Variants in SEC24D observed in about 807,000 individuals in gnomAD.
The protein encoded by SEC24D is protein transport protein Sec24D.
A neutral mutation model predicts 116.9 loss-of-function variants in SEC24D; 69 were observed. The observed-to-expected ratio is 0.59, with a 90% CI of 0.49 to 0.72. The LOEUF (loss-of-function observed/expected upper bound fraction) is 0.72, where lower values mean the gene tolerates loss of function less well. Among genes scored for constraint, SEC24D ranks in the 30% least tolerant of loss-of-function variants. SEC24D has a pLI of 0.00. For missense variants in SEC24D, 1,131 were observed against 1,264.1 expected (o/e 0.89, Z 1.60); for synonymous variants, 405 against 442.8 (o/e 0.91, Z 1.07).
chr4:118,778,789 T>C (rs1728263625), intron 8 of SEC24D, among the ~76,000 whole-genome samples: 1 of 152,306 alleles, frequency 6.6e-6, no homozygotes, highest in Non-Finnish European at 1.5e-5. Flanking sequence ...GAGCAGTGGT[T>C]TGTAGTTCTC....
intron 19 of SEC24D, chr4:118,736,574 A>T (rs1725970657): frequency 3.0e-6 from 1 of 335,330 alleles, no homozygotes; most frequent in Non-Finnish European, 5.8e-6. Context: ...AGTGAACTGT[A>T]GGAAAGTACC....
At chr4:118,814,251 C>A (rs1238300263) in intron 6 of SEC24D, among the ~76,000 whole-genome samples, 1 of 152,236 alleles carries the variant, frequency 6.6e-6, no homozygotes, top group East Asian at 1.9e-4. Context: ...GGTTATGACA[C>A]ATGCCACACA....
intron 1 of SEC24D, among the ~76,000 whole-genome samples, chr4:118,835,710 G>C (rs1469279697): frequency 1.3e-5 from 2 of 152,222 alleles, no homozygotes; most frequent in Non-Finnish European, 2.9e-5. Flanking sequence ...GCAAAAGGTG[G>C]GGGCGGGTAA....
intron 11 of SEC24D, among the ~76,000 whole-genome samples, chr4:118,756,205 A>G (rs1560644576): frequency 6.6e-6 from 1 of 152,126 alleles, no homozygotes; most frequent in Non-Finnish European, 1.5e-5. Flanking sequence ...ACCCCATGAG[A>G]GAGTTCTGTA....
Position 118,739,271 on chromosome 4 carries a change from G to A in SEC24D, c.2255C>T (p.Thr752Met), listed in dbSNP as rs745329490. ...AAGTCTTCTTTGACCACTGATTGTC[G>A]TGTAAAGCACAGCACACTGTAGAAG... is the stretch of plus-strand genomic sequence containing the variant. ...GALIQCAVLYTTISGQRRLRI... is the reference protein window; with the variant it reads ...GALIQCAVLYMTISGQRRLRI... The change falls in exon 18 of 23, where the codon ACG (threonine) becomes ATG (methionine). Residue 752 changes from threonine to methionine, a missense_variant. Physicochemically the swap from Thr to Met is moderately conservative, Grantham distance 81. Transcript: ENST00000280551. 9.3e-6 allele frequency: 15 copies of A among 1,613,434 alleles called. No homozygotes were observed. The highest frequency in any genetic ancestry group is 4.5e-5 in the East Asian group (2 of 44,854).
intron 20 of SEC24D, among the ~76,000 whole-genome samples, chr4:118,731,974 C>T (rs1373054969): frequency 7.0e-6 from 1 of 143,850 alleles, no homozygotes; most frequent in Non-Finnish European, 1.5e-5. Context: ...GTTTGAGGAT[C>T]AGCATGAAGC....
At chr4:118,738,094 A>G (rs958638365) in intron 19 of SEC24D, 167 bp downstream of exon 19, 6 of 530,146 alleles carry the variant, frequency 1.1e-5, no homozygotes, top group Admixed American at 3.5e-5. Flanking sequence ...GGCTATAAAA[A>G]AAAAAACCAC....
intron 8 of SEC24D, among the ~76,000 whole-genome samples, chr4:118,772,527 CTT>C (rs1727948202): frequency 6.6e-6 from 1 of 152,104 alleles, no homozygotes; most frequent in Admixed American, 6.5e-5. Flanking sequence ...CCAAGAAAAA[CTT>C]ATTTTTAAAG....
At chr4:118,777,865 T>C (rs1470291162) in intron 8 of SEC24D, among the ~76,000 whole-genome samples, 1 of 152,282 alleles carries the variant, frequency 6.6e-6, no homozygotes, top group Non-Finnish European at 1.5e-5. Flanking sequence ...TGACCAGTGA[T>C]GATGAGCATT....
chr4:118,786,814 G>A (rs1047709354), intron 8 of SEC24D, among the ~76,000 whole-genome samples: 3 of 152,120 alleles, frequency 2.0e-5, no homozygotes, highest in Non-Finnish European at 4.4e-5. Context: ...GCAATCTAGT[G>A]ACTAGGGCAA....
At chr4:118,766,680 T>C (rs945404003) in intron 9 of SEC24D, 4 of 152,068 alleles carry the variant, frequency 2.6e-5, no homozygotes, top group African/African-American at 9.7e-5. Context: ...CTGCTCTTCA[T>C]GGTGGGTATG....
At chr4:118,811,284 T>C (rs533765172) in intron 6 of SEC24D, among the ~76,000 whole-genome samples, 1 of 152,322 alleles carries the variant, frequency 6.6e-6, no homozygotes, top group Non-Finnish European at 1.5e-5. Flanking sequence ...GGAGGCATCA[T>C]AGGATATTTA....
intron 8 of SEC24D, among the ~76,000 whole-genome samples, chr4:118,768,782 A>G (rs1409800789): frequency 1.3e-5 from 2 of 152,180 alleles, no homozygotes; most frequent in Non-Finnish European, 2.9e-5. Context: ...ATTCAAAGCC[A>G]TAAGATGTTG....
intron 6 of SEC24D, among the ~76,000 whole-genome samples, chr4:118,812,808 C>T (rs1026801966): frequency 6.6e-6 from 1 of 152,164 alleles, no homozygotes; most frequent in Admixed American, 6.5e-5. Flanking sequence ...AGGAAGGGGT[C>T]TAATTGAGCT....
chr4:118,759,884 A>G (rs535909594), intron 10 of SEC24D, among the ~76,000 whole-genome samples: 243 of 152,288 alleles, frequency 1.6e-3, no homozygotes, highest in Non-Finnish European at 2.7e-3. Flanking sequence ...CCAATTAACT[A>G]CAGCACACAT....
chr4:118,824,617 C>T lies in SEC24D; in HGVS notation c.248+3G>A. The T allele has an allele frequency of 6.3e-7, 1 of 1,599,100 alleles. No individual in the cohort carries two copies. The highest frequency in any genetic ancestry group is 8.5e-7 in the Non-Finnish European group (1 of 1,175,108). On this transcript the variant is annotated splice_donor_region_variant and intron_variant, in intron 3 of 22. Coordinates refer to ENST00000280551, the MANE Select transcript of SEC24D (RefSeq NM_014822.4). ...AACGAAGGTTGGAATCTACCTAGCTCACCTTTGGGGAGGGTGACCAGTGGC... is the reference window on the plus strand; with the variant it reads ...AACGAAGGTTGGAATCTACCTAGCTTACCTTTGGGGAGGGTGACCAGTGGC...
chr4:118,819,258 G>A (rs1290740881), intron 3 of SEC24D, among the ~76,000 whole-genome samples: 2 of 152,094 alleles, frequency 1.3e-5, no homozygotes, highest in East Asian at 3.9e-4. Context: ...TCTGCGGGGC[G>A]TGGTGGCTCA....
At chr4:118,796,534 G>A (rs1729189521) in intron 8 of SEC24D, among the ~76,000 whole-genome samples, 1 of 152,218 alleles carries the variant, frequency 6.6e-6, no homozygotes, top group Admixed American at 6.5e-5. Context: ...AAAAGGAAGT[G>A]TTGGCAGCAT....
At chr4:118,833,480 T>A in intron 2 of SEC24D, 99 bp downstream of exon 2, 1 of 789,350 alleles carries the variant, frequency 1.3e-6, no homozygotes, top group East Asian at 2.6e-5. Flanking sequence ...CATTATATAA[T>A]GATCATTCAA....
Sources: gnomAD v4.1 joint callset for allele counts (sites outside exome capture counted in the v4.1 genomes callset) on GRCh38, gnomAD v4.1.1 for gene constraint, MANE v1.5 for transcripts, NCBI Gene and HGNC (gene_info 2026-07-23, HGNC 2026-07-21) for gene names.